Variants in LGR6 observed in about 807,000 individuals in gnomAD.
The protein encoded by LGR6 is leucine-rich repeat-containing G protein-coupled receptor 6.
In LGR6, 45 loss-of-function variants were observed where a neutral mutation model predicts 69.4. That is an observed-to-expected ratio of 0.65 (90% CI 0.51 to 0.83). LGR6 has a LOEUF of 0.83. Among genes scored for constraint, LGR6 ranks in the 40% least tolerant of loss-of-function variants. The pLI, the probability that LGR6 is intolerant of heterozygous loss-of-function variation, is 0.00. For synonymous variants in LGR6, 538 were observed against 555.0 expected, an observed-to-expected ratio of 0.97 and a Z score of 0.43; for missense variants, 1,108 against 1,246.7, an observed-to-expected ratio of 0.89 and a Z score of 1.68.
Position 202,244,249 on chromosome 1 carries a change from G to A in LGR6, c.428+8256G>A, listed in dbSNP as rs150360029. On this transcript the variant is annotated intron_variant, in intron 4 of 17. Coordinates refer to ENST00000367278, the MANE Select transcript of LGR6 (RefSeq NM_001017403.2). ...TGGGATTACAGGCTTGAGCCACCAC[G>A]CCCAGCCTAATCACCTGTGTCTTAA... 4.1e-3 allele frequency among the ~76,000 whole-genome samples: 617 copies of A among 152,226 alleles called. 3 individuals are homozygous for A. The highest frequency in any genetic ancestry group is 9.0e-3 in the African/African-American group (373 of 41,522).
At chr1:202,207,929 T>C (rs776698281) in intron 1 of LGR6, among the ~76,000 whole-genome samples, 2 of 152,206 alleles carry the variant, frequency 1.3e-5, no homozygotes, top group Admixed American at 6.5e-5. Flanking sequence ...TAACTTTCAC[T>C]GCAAAAAACA....
intron 3 of LGR6, among the ~76,000 whole-genome samples, chr1:202,233,917 C>T (rs2147989277): frequency 6.6e-6 from 1 of 152,310 alleles, no homozygotes; most frequent in South Asian, 2.1e-4. Context: ...CACACTACCC[C>T]ACAGCTGGAA....
intron 1 of LGR6, among the ~76,000 whole-genome samples, chr1:202,205,149 T>A (rs998766398): frequency 7.4e-5 from 3 of 40,662 alleles, no homozygotes; most frequent in African/African-American, 1.9e-4. Context: ...CACACACACC[T>A]CCACACACAC....
intron 6 of LGR6, among the ~76,000 whole-genome samples, chr1:202,288,989 G>C (rs1053552524): frequency 2.6e-5 from 4 of 152,210 alleles, no homozygotes; most frequent in Non-Finnish European, 2.9e-5. Flanking sequence ...ATTGCATCCA[G>C]AGGTCTGATG....
At chr1:202,228,116 T>C (rs1029901614) in intron 3 of LGR6, 109 bp downstream of exon 3, 1 of 668,642 alleles carries the variant, frequency 1.5e-6, no homozygotes, top group African/African-American at 1.8e-5. Context: ...GCTTATTATT[T>C]CCTTATCTTC....
At chr1:202,196,094 G>C (rs1439123753) in intron 1 of LGR6, among the ~76,000 whole-genome samples, 1 of 152,166 alleles carries the variant, frequency 6.6e-6, no homozygotes, top group African/African-American at 2.4e-5. Flanking sequence ...GAGAGTTGTG[G>C]AGAGAAGAGA....
chr1:202,303,994 T>C (rs147185755), intron 10 of LGR6, among the ~76,000 whole-genome samples: 21 of 152,214 alleles, frequency 1.4e-4, no homozygotes, highest in African/African-American at 4.8e-4. Flanking sequence ...TGGCCTTGGG[T>C]CCTTCCTGGG....
intron 4 of LGR6, among the ~76,000 whole-genome samples, chr1:202,266,192 C>T (rs1017930500): frequency 6.6e-6 from 1 of 152,064 alleles, no homozygotes; most frequent in Non-Finnish European, 1.5e-5. Flanking sequence ...TCTTGAGATG[C>T]CTGGAGGTGG....
At chr1:202,297,314 C>T (rs891247886) in intron 6 of LGR6, among the ~76,000 whole-genome samples, 194 bp from the exon 7 acceptor site, 1 of 152,178 alleles carries the variant, frequency 6.6e-6, no homozygotes, top group African/African-American at 2.4e-5. Flanking sequence ...AGGAAGATTC[C>T]ACGCCTGAGG....
chr1:202,248,730 G>A (rs531657795), intron 4 of LGR6, among the ~76,000 whole-genome samples: 2 of 152,266 alleles, frequency 1.3e-5, no homozygotes, highest in South Asian at 2.1e-4. Context: ...CTGTCCCCTC[G>A]CAAAGCAATC....
chr1:202,241,548 G>C (rs1255582667), intron 4 of LGR6, among the ~76,000 whole-genome samples: 1 of 152,186 alleles, frequency 6.6e-6, no homozygotes, highest in Admixed American at 6.5e-5. Flanking sequence ...CTTCCTCCCT[G>C]ACCAGTTTGG....
chr1:202,254,997 G>A (rs1337481263), intron 4 of LGR6, among the ~76,000 whole-genome samples: 3 of 152,172 alleles, frequency 2.0e-5, no homozygotes, highest in African/African-American at 7.2e-5. Flanking sequence ...AATTGGGGGC[G>A]CGGGGATGGG....
chr1:202,207,379 A>G (rs1169509283), intron 1 of LGR6, among the ~76,000 whole-genome samples: 1 of 152,150 alleles, frequency 6.6e-6, no homozygotes, highest in Non-Finnish European at 1.5e-5. Context: ...AGACTGAGCA[A>G]CCTTGGGTTG....
At chr1:202,304,977 C>A (rs1667877606) in intron 11 of LGR6, among the ~76,000 whole-genome samples, 1 of 152,070 alleles carries the variant, frequency 6.6e-6, no homozygotes, top group East Asian at 1.9e-4. Context: ...AAATTAGTCC[C>A]CTCTTGGGAT....
At chr1:202,300,049 A>G (rs1045713168) in intron 7 of LGR6, among the ~76,000 whole-genome samples, 6 of 152,004 alleles carry the variant, frequency 3.9e-5, no homozygotes, top group African/African-American at 1.5e-4. Flanking sequence ...TGCTGTTGAC[A>G]CTTCTGTTTC....
At chr1:202,203,355 G>A (rs1045764379) in intron 1 of LGR6, among the ~76,000 whole-genome samples, 1 of 152,174 alleles carries the variant, frequency 6.6e-6, no homozygotes, top group Non-Finnish European at 1.5e-5. Flanking sequence ...CATGCTCCAT[G>A]TTCCTTTGCA....
intron 4 of LGR6, among the ~76,000 whole-genome samples, chr1:202,236,988 T>C (rs1661618570): frequency 6.6e-6 from 1 of 152,160 alleles, no homozygotes; most frequent in Non-Finnish European, 1.5e-5. Context: ...CCATTCCACC[T>C]TACACAGAGG....
intron 4 of LGR6, among the ~76,000 whole-genome samples, chr1:202,245,539 C>T (rs539335363): frequency 6.6e-6 from 1 of 152,180 alleles, no homozygotes; most frequent in Non-Finnish European, 1.5e-5. Flanking sequence ...TGCTAGCCCT[C>T]TCTGGCTATG....
chr1:202,232,793 T>C (rs549379502), intron 3 of LGR6, among the ~76,000 whole-genome samples: 24 of 152,354 alleles, frequency 1.6e-4, no homozygotes, highest in African/African-American at 5.5e-4. Flanking sequence ...CACAAAAGCA[T>C]TGGCCCGAGA....
Sources: gnomAD v4.1 joint callset for allele counts (sites outside exome capture counted in the v4.1 genomes callset) on GRCh38, gnomAD v4.1.1 for gene constraint, MANE v1.5 for transcripts, NCBI Gene and HGNC (gene_info 2026-07-23, HGNC 2026-07-21) for gene names.